Variants in CSMD3 observed in about 807,000 individuals in gnomAD.
CSMD3 encodes CUB and sushi domain-containing protein 3.
A neutral mutation model predicts 435.2 loss-of-function variants in CSMD3; 177 were observed. The observed-to-expected ratio is 0.41, with a 90% CI of 0.36 to 0.46. The LOEUF (loss-of-function observed/expected upper bound fraction) is 0.46, where lower values mean the gene tolerates loss of function less well. Among genes scored for constraint, CSMD3 ranks in the 20% least tolerant of loss-of-function variants. The pLI is 0.34. For missense variants in CSMD3, 4,265 were observed against 4,504.6 expected (o/e 0.95, Z 1.52); for synonymous variants, 1,656 against 1,520.5 (o/e 1.09, Z -2.07).
In CSMD3 at chr8:112,470,853, G is replaced by GC. The variant is rs1554583374; in HGVS notation, c.5395+1737_5395+1738insG. On this transcript the variant is annotated intron_variant, in intron 32 of 70. Transcript: ENST00000297405. Reference sequence around the variant, plus strand: ...ATGCAACATTTGTAAAATAAAATTAGTTTTTTACTAATAAATCAAAGTACA... The same window carrying GC: ...ATGCAACATTTGTAAAATAAAATTAGCTTTTTTACTAATAAATCAAAGTACA... Among the ~76,000 whole-genome samples the GC allele has an allele frequency of 4.6e-5, 7 of 151,840 alleles. No individual in the cohort carries two copies. The East Asian group carries it at 1.2e-3, about 25-fold the overall frequency.
At position 112,638,794 on chromosome 8, in the gene CSMD3, G is replaced by A. The variant is rs761864334; in HGVS notation, c.3428C>T (p.Pro1143Leu). Residue 1143 changes from proline (P) to leucine (L), a missense_variant, in exon 21 of 71, where the codon CCA becomes CTA. Pro to Leu is a moderately conservative substitution (Grantham distance 98). Coordinates refer to ENST00000297405, the MANE Select transcript of CSMD3 (RefSeq NM_198123.2). Reference protein sequence around the residue: ...LARLTGSDLPPTINAGLYGNF... With the variant: ...LARLTGSDLPLTINAGLYGNF... The stretch of plus-strand genomic sequence containing the variant: ...TCCATAGAGACCAGCATTGATTGTT[G>A]GAGGAAGATCTGAACCAGTCAGGCG... 3.1e-6 allele frequency: 5 copies of A among 1,612,326 alleles called. No homozygotes were observed. Among genetic ancestry groups the A allele is most frequent in the Non-Finnish European group, 4.2e-6 (5 of 1,178,678 alleles).
At chr8:112,721,588 G>A (rs1253852612) in intron 13 of CSMD3, among the ~76,000 whole-genome samples, 6 of 152,002 alleles carry the variant, frequency 3.9e-5, no homozygotes, top group Non-Finnish European at 7.4e-5. Context: ...ACAAGTATTT[G>A]TCAATGATAA....
chr8:113,324,540 C>T (rs923600296), intron 1 of CSMD3, among the ~76,000 whole-genome samples: 27 of 152,146 alleles, frequency 1.8e-4, no homozygotes, highest in African/African-American at 6.3e-4. Flanking sequence ...TTGGGAACCT[C>T]CACCTAGAAT....
intron 10 of CSMD3, among the ~76,000 whole-genome samples, chr8:112,878,035 A>C (rs2081338367): frequency 6.6e-6 from 1 of 152,188 alleles, no homozygotes; most frequent in Admixed American, 6.5e-5. Flanking sequence ...AAACACCAAA[A>C]GCAATTTCAA....
chr8:112,371,993 G>A (rs1251361120), intron 38 of CSMD3, among the ~76,000 whole-genome samples: 1 of 152,050 alleles, frequency 6.6e-6, no homozygotes, highest in East Asian at 1.9e-4. Flanking sequence ...CAAGGTGGAA[G>A]AAAGGAAGAA....
chr8:112,283,474 T>C (rs753182832), intron 58 of CSMD3, among the ~76,000 whole-genome samples: 1 of 151,712 alleles, frequency 6.6e-6, no homozygotes, highest in African/African-American at 2.4e-5. Context: ...TTGATATTTA[T>C]ATATGCATAT....
chr8:112,312,502 C>T (rs1465679226), intron 49 of CSMD3, among the ~76,000 whole-genome samples: 2 of 152,034 alleles, frequency 1.3e-5, no homozygotes, highest in African/African-American at 2.4e-5. Context: ...GCAATCCACT[C>T]GCCTCAGCCT....
chr8:113,072,453 T>C lies in CSMD3; in HGVS notation c.917+26303A>G, dbSNP rs1282623497. Among the ~76,000 whole-genome samples, 4 of 151,860 alleles carry C rather than the reference T, an allele frequency of 2.6e-5. No homozygotes were observed. The East Asian group carries it at 7.7e-4, about 29-fold the overall frequency. The stretch of plus-strand genomic sequence containing the variant: ...GTGGGTCTTTCATATATGGTCTTTA[T>C]TTTGCTGAGGTAAATTTCTTCTATA... On this transcript the variant is annotated intron_variant, in intron 5 of 70. Transcript: ENST00000297405.
chr8:112,538,233 A>G (rs953325816), intron 27 of CSMD3, among the ~76,000 whole-genome samples: 4 of 152,126 alleles, frequency 2.6e-5, no homozygotes, highest in African/African-American at 9.7e-5. Flanking sequence ...ACCCACAGCT[A>G]ACATCATCCT....
chr8:113,234,408 C>A (rs1289963837), intron 3 of CSMD3, among the ~76,000 whole-genome samples: 1 of 152,096 alleles, frequency 6.6e-6, no homozygotes, highest in Non-Finnish European at 1.5e-5. Context: ...GAAGCCCAGA[C>A]TTAACCAGCT....
intron 35 of CSMD3, among the ~76,000 whole-genome samples, chr8:112,397,469 C>T (rs1830951746): frequency 6.6e-6 from 1 of 152,146 alleles, no homozygotes; most frequent in Admixed American, 6.5e-5. Flanking sequence ...TTTTAAACTG[C>T]CTCATTCTAT....
chr8:113,085,679 A>T (rs1188231874), intron 5 of CSMD3, among the ~76,000 whole-genome samples: 4 of 152,184 alleles, frequency 2.6e-5, no homozygotes, highest in Non-Finnish European at 5.9e-5. Flanking sequence ...TCACCCATGG[A>T]AAGTTAAATA....
At chr8:112,552,063 A>G (rs954717742) in intron 26 of CSMD3, among the ~76,000 whole-genome samples, 1 of 151,848 alleles carries the variant, frequency 6.6e-6, no homozygotes, top group Non-Finnish European at 1.5e-5. Flanking sequence ...ACATGATTAC[A>G]TGGGCAGAGA....
chr8:113,177,117 CT>C (rs1339415090), intron 3 of CSMD3, among the ~76,000 whole-genome samples: 8 of 151,442 alleles, frequency 5.3e-5, no homozygotes, highest in African/African-American at 1.7e-4. Flanking sequence ...AAGTGAAGAA[CT>C]TTTTTGTAAT....
At chr8:113,055,617 T>G (rs1354484703) in intron 5 of CSMD3, among the ~76,000 whole-genome samples, 2 of 152,224 alleles carry the variant, frequency 1.3e-5, no homozygotes, top group South Asian at 4.1e-4. Flanking sequence ...GTGAATTGTA[T>G]GTTAAAATCA....
At chr8:112,264,793 A>T (rs1401888883) in intron 60 of CSMD3, among the ~76,000 whole-genome samples, 1 of 152,150 alleles carries the variant, frequency 6.6e-6, no homozygotes, top group Non-Finnish European at 1.5e-5. Flanking sequence ...ATTATTATAA[A>T]ACAATTTGTC....
At chr8:113,299,885 C>A (rs1229899442) in intron 2 of CSMD3, among the ~76,000 whole-genome samples, 1 of 151,700 alleles carries the variant, frequency 6.6e-6, no homozygotes, top group Non-Finnish European at 1.5e-5. Flanking sequence ...CCCAGCTATT[C>A]GGGAGGCTGA....
chr8:113,289,435 T>C (rs1000278041), intron 2 of CSMD3, among the ~76,000 whole-genome samples: 1 of 151,626 alleles, frequency 6.6e-6, no homozygotes, highest in Non-Finnish European at 1.5e-5. Context: ...TTTTTGGATG[T>C]AGAATTAGTA....
At chr8:112,351,135 T>G in intron 40 of CSMD3, 40 bp downstream of exon 40, 1 of 1,230,366 alleles carries the variant, frequency 8.1e-7, no homozygotes, top group Non-Finnish European at 1.2e-6. Flanking sequence ...TTTTTACACT[T>G]TAAGTTCTAG....
Sources: gnomAD v4.1 joint callset for allele counts (sites outside exome capture counted in the v4.1 genomes callset) on GRCh38, gnomAD v4.1.1 for gene constraint, MANE v1.5 for transcripts, NCBI Gene and HGNC (gene_info 2026-07-23, HGNC 2026-07-21) for gene names.